MACROD2: variants seen among roughly 807,000 people sequenced by gnomAD.
MACROD2 encodes the protein ADP-ribose glycohydrolase MACROD2.
MACROD2 carries 36 observed loss-of-function variants against 70.4 expected under a neutral mutation model. The observed-to-expected ratio is 0.51, with a 90% CI of 0.39 to 0.68. The LOEUF is 0.68. Ranked by LOEUF, MACROD2 falls within the 30% of genes least tolerant of loss-of-function variation. The pLI, the probability that MACROD2 is intolerant of heterozygous loss-of-function variation, is 0.00. For missense variants in MACROD2, 496 were observed against 538.4 expected (o/e 0.92, Z 0.78); for synonymous variants, 172 against 178.8 (o/e 0.96, Z 0.30).
At chr20:16,016,141 G>A (rs1015161388) in intron 15 of MACROD2, among the ~76,000 whole-genome samples, 4 of 151,978 alleles carry the variant, frequency 2.6e-5, no homozygotes, top group Non-Finnish European at 5.9e-5. Flanking sequence ...TTGCCTCCTT[G>A]TCTACAGTTT....
At chr20:14,033,105 T>C (rs925472510) in intron 2 of MACROD2, among the ~76,000 whole-genome samples, 1 of 150,516 alleles carries the variant, frequency 6.6e-6, no homozygotes, top group African/African-American at 2.4e-5. Context: ...TTTTTTTAAC[T>C]TTTGGTATAT....
chr20:16,029,207 C>G (rs949760919), intron 15 of MACROD2, among the ~76,000 whole-genome samples: 3 of 152,104 alleles, frequency 2.0e-5, no homozygotes, highest in Admixed American at 1.3e-4. Flanking sequence ...TCCAAAAGGC[C>G]CTATTTATAA....
At chr20:15,636,597 C>G (rs770814765) in intron 8 of MACROD2, among the ~76,000 whole-genome samples, 12 of 152,004 alleles carry the variant, frequency 7.9e-5, no homozygotes, top group African/African-American at 1.2e-4. Context: ...AAGCAAGCCC[C>G]GAAAAGACAA....
At position 15,276,394 on chromosome 20, in the gene MACROD2, C is replaced by T. The variant is rs533363177; in HGVS notation, c.540+46333C>T. ...TGGCCTGGGCGACAGAGAGAGACTC[C>T]CTCTCAAAAAAATAAAAAAATAAAA... On this transcript the variant is annotated intron_variant, in intron 6 of 17. Coordinates refer to ENST00000684519, the MANE Select transcript of MACROD2 (RefSeq NM_001351661.2). Among the ~76,000 whole-genome samples, 413 of 76,646 alleles carry T rather than the reference C, an allele frequency of 5.4e-3. 6 individuals are homozygous for T. Among genetic ancestry groups the T allele is most frequent in the African/African-American group, 0.019 (389 of 20,104 alleles). 50.3% of individuals were successfully genotyped at this position (76,646 alleles called of 152,430 possible).
chr20:15,190,594 C>T (rs1436192134), intron 5 of MACROD2, among the ~76,000 whole-genome samples: 1 of 152,178 alleles, frequency 6.6e-6, no homozygotes, highest in Non-Finnish European at 1.5e-5. Context: ...ATTATGAGGC[C>T]AACAGGTCAG....
At chr20:14,200,322 A>T (rs2081468614) in intron 3 of MACROD2, among the ~76,000 whole-genome samples, 1 of 152,202 alleles carries the variant, frequency 6.6e-6, no homozygotes, top group Non-Finnish European at 1.5e-5. Flanking sequence ...GAGCTAAATT[A>T]TGAGAACACA....
chr20:14,606,490 T>G (rs1982810514), intron 4 of MACROD2, among the ~76,000 whole-genome samples: 1 of 152,170 alleles, frequency 6.6e-6, no homozygotes, highest in South Asian at 2.1e-4. Flanking sequence ...AAATTGTGAT[T>G]ACTATTTTAC....
At chr20:15,269,715 A>T (rs2077328983) in intron 6 of MACROD2, among the ~76,000 whole-genome samples, 2 of 152,154 alleles carry the variant, frequency 1.3e-5, no homozygotes, top group Non-Finnish European at 2.9e-5. Flanking sequence ...CATCTTGGGC[A>T]GGTAGCTCCT....
chr20:15,740,264 A>T (rs2051084156), intron 8 of MACROD2, among the ~76,000 whole-genome samples: 1 of 152,232 alleles, frequency 6.6e-6, no homozygotes, highest in Admixed American at 6.5e-5. Flanking sequence ...AGGCTAGAAA[A>T]TGCAGTCTAA....
intron 4 of MACROD2, among the ~76,000 whole-genome samples, chr20:14,569,639 T>C (rs551655195): frequency 9.9e-5 from 15 of 152,032 alleles, no homozygotes; most frequent in Admixed American, 2.0e-4. Flanking sequence ...AATGACTGTT[T>C]CTGCCTCTGC....
At chr20:14,115,457 T>C (rs2054502822) in intron 3 of MACROD2, among the ~76,000 whole-genome samples, 1 of 152,154 alleles carries the variant, frequency 6.6e-6, no homozygotes, top group African/African-American at 2.4e-5. Context: ...GGATCATGTA[T>C]AAAAAATCCT....
chr20:14,792,477 T>C (rs990231374), intron 5 of MACROD2, among the ~76,000 whole-genome samples: 2 of 152,118 alleles, frequency 1.3e-5, no homozygotes, highest in Non-Finnish European at 2.9e-5. Flanking sequence ...AGATTAAAGC[T>C]GTTTATGTGG....
intron 6 of MACROD2, among the ~76,000 whole-genome samples, chr20:15,238,601 C>A (rs891884761): frequency 6.6e-6 from 1 of 151,872 alleles, no homozygotes; most frequent in Non-Finnish European, 1.5e-5. Flanking sequence ...TCATATATTT[C>A]CTTCAAAAAT....
intron 3 of MACROD2, among the ~76,000 whole-genome samples, chr20:14,246,018 A>C (rs926721451): frequency 3.9e-5 from 6 of 152,240 alleles, no homozygotes; most frequent in African/African-American, 1.4e-4. Context: ...ATGTTGGTAT[A>C]GTTTATGAAT....
At chr20:14,782,654 A>C (rs1373893268) in intron 5 of MACROD2, among the ~76,000 whole-genome samples, 1 of 152,100 alleles carries the variant, frequency 6.6e-6, no homozygotes, top group East Asian at 1.9e-4. Context: ...AGTGTATCCC[A>C]GTTTCAGAGA....
At chr20:14,862,360 T>A (rs867427105) in intron 5 of MACROD2, among the ~76,000 whole-genome samples, 1 of 15,524 alleles carries the variant, frequency 6.4e-5, no homozygotes, top group African/African-American at 3.2e-4. Context: ...AATATATATA[T>A]AAATATATAT....
At chr20:14,472,092 T>C (rs1173187838) in intron 3 of MACROD2, among the ~76,000 whole-genome samples, 1 of 152,162 alleles carries the variant, frequency 6.6e-6, no homozygotes, top group Non-Finnish European at 1.5e-5. Flanking sequence ...CAACAAATTT[T>C]AAGTTTCTGT....
intron 8 of MACROD2, among the ~76,000 whole-genome samples, chr20:15,592,897 C>A (rs146883752): frequency 3.5e-4 from 54 of 152,192 alleles, no homozygotes; most frequent in Non-Finnish European, 7.1e-4. Flanking sequence ...TGGGTTCAAG[C>A]TTTTACCAGT....
chr20:14,940,643 G>C (rs908703122), intron 5 of MACROD2, among the ~76,000 whole-genome samples: 1 of 147,118 alleles, frequency 6.8e-6, no homozygotes, highest in African/African-American at 2.5e-5. Flanking sequence ...TTTTCAGCAT[G>C]TATCAAAATG....
Sources: allele counts gnomAD v4.1 joint callset (sites outside exome capture counted in the v4.1 genomes callset), GRCh38; gene constraint gnomAD v4.1.1; transcripts MANE v1.5; gene names NCBI Gene and HGNC (gene_info 2026-07-23, HGNC 2026-07-21).